Variants in SLC5A8 observed in about 807,000 individuals in gnomAD.
SLC5A8 encodes solute carrier family 5 member 8.
Under a neutral mutation model 71.9 loss-of-function variants are expected in SLC5A8, and 55 were observed. The ratio of observed to expected loss-of-function variants is 0.77; its 90% CI spans 0.62 to 0.96. SLC5A8 has a LOEUF of 0.96. Ranked by LOEUF, SLC5A8 falls within the 40% of genes least tolerant of loss-of-function variation. SLC5A8 has a pLI of 0.00. For synonymous variants in SLC5A8, 307 were observed against 276.1 expected (o/e 1.11, Z -1.11); for missense variants, 701 against 745.3 (o/e 0.94, Z 0.69).
Position 101,193,679 on chromosome 12 carries a change from C to T in SLC5A8, c.638G>A (p.Gly213Glu). The change falls in exon 5 of 15, where the codon GGA (glycine) becomes GAA (glutamate). Residue 213 changes from glycine (G) to glutamate (E), a missense_variant. By Grantham distance (98) the Gly-to-Glu change is moderately conservative. Transcript: ENST00000536262. ...VIIQAVVMQG[G>E]ISTILNDAYD... is the part of the protein sequence containing the mutation. ...GGCATCATTTAAAATAGTGCTGATT[C>T]CACCTTGCATCACCACAGCCTGTAT... is the stretch of plus-strand genomic sequence containing the variant. The T allele has an allele frequency of 6.2e-7, 1 of 1,614,150 alleles. No individual in the cohort carries two copies. The highest frequency in any genetic ancestry group is 8.5e-7 in the Non-Finnish European group (1 of 1,180,010).
At chr12:101,161,100 C>G (rs545027635) in intron 13 of SLC5A8, among the ~76,000 whole-genome samples, 3 of 152,154 alleles carry the variant, frequency 2.0e-5, no homozygotes, top group Non-Finnish European at 4.4e-5. Context: ...GAAAAAAATT[C>G]AGACATCCTC....
intron 10 of SLC5A8, among the ~76,000 whole-genome samples, chr12:101,172,185 G>T (rs1475470835): frequency 6.6e-6 from 1 of 152,004 alleles, no homozygotes; most frequent in African/African-American, 2.4e-5. Flanking sequence ...TCTCTAGGAG[G>T]CACTGGCTGC....
chr12:101,165,999 T>C (rs925466974), intron 12 of SLC5A8, among the ~76,000 whole-genome samples: 1 of 152,184 alleles, frequency 6.6e-6, no homozygotes, highest in Non-Finnish European at 1.5e-5. Context: ...ATGACTGAAA[T>C]CTGTAGCATG....
At chr12:101,204,380 C>A in intron 2 of SLC5A8, 120 bp downstream of exon 2, 1 of 818,736 alleles carries the variant, frequency 1.2e-6, no homozygotes. Context: ...TTTTTTGTTC[C>A]CTCATTTTTT....
intron 3 of SLC5A8, among the ~76,000 whole-genome samples, chr12:101,200,330 T>C (rs1276359173): frequency 3.9e-5 from 6 of 152,088 alleles, no homozygotes; most frequent in South Asian, 2.1e-4. Context: ...ATTAGGCAAC[T>C]ACTAAAACTC....
At chr12:101,209,316 A>C (rs576278541) in intron 1 of SLC5A8, among the ~76,000 whole-genome samples, 182 bp downstream of exon 1, 3 of 152,264 alleles carry the variant, frequency 2.0e-5, no homozygotes, top group African/African-American at 7.2e-5. Context: ...TCTCAGTAGA[A>C]GGGAAAGATG....
intron 13 of SLC5A8, among the ~76,000 whole-genome samples, chr12:101,158,598 C>CTCTCTCTCTCTCTCTA (rs1411795424): frequency 9.4e-5 from 2 of 21,250 alleles, no homozygotes; most frequent in Non-Finnish European, 1.8e-4. Flanking sequence ...CTCTCTCTCT[C>CTCTCTCTCTCTCTCTA]TATATATATA....
chr12:101,160,575 T>C (rs542929345), intron 13 of SLC5A8, among the ~76,000 whole-genome samples: 1 of 152,122 alleles, frequency 6.6e-6, no homozygotes, highest in African/African-American at 2.4e-5. Flanking sequence ...GATGCATACA[T>C]GTGAGGGGAT....
chr12:101,185,657 C>A (rs374380151), intron 7 of SLC5A8, among the ~76,000 whole-genome samples: 1 of 152,150 alleles, frequency 6.6e-6, no homozygotes. Context: ...CGGCTCACTG[C>A]AATCTCCACC....
chr12:101,198,388 C>T (rs1869287783), intron 3 of SLC5A8, among the ~76,000 whole-genome samples: 1 of 151,614 alleles, frequency 6.6e-6, no homozygotes, highest in Non-Finnish European at 1.5e-5. Context: ...CAATAGAATA[C>T]TGGAAAGATA....
chr12:101,178,879 G>C (rs1024250021), intron 10 of SLC5A8, among the ~76,000 whole-genome samples: 1 of 150,742 alleles, frequency 6.6e-6, no homozygotes, highest in Non-Finnish European at 1.5e-5. Context: ...ACAAACTACT[G>C]TGTAAGAAAA....
intron 5 of SLC5A8, among the ~76,000 whole-genome samples, chr12:101,193,239 C>G (rs770150798): frequency 6.6e-6 from 1 of 152,188 alleles, no homozygotes; most frequent in African/African-American, 2.4e-5. Flanking sequence ...TCCCAAAGTG[C>G]TGGGATTACA....
At chr12:101,194,096 G>A (rs921737638) in intron 4 of SLC5A8, among the ~76,000 whole-genome samples, 1 of 152,126 alleles carries the variant, frequency 6.6e-6, no homozygotes, top group African/African-American at 2.4e-5. Context: ...GAGTGGTGTC[G>A]GGAGATTGTT....
intron 3 of SLC5A8, among the ~76,000 whole-genome samples, chr12:101,197,196 A>G (rs1869219009): frequency 2.0e-5 from 3 of 152,234 alleles, no homozygotes; most frequent in African/African-American, 7.2e-5. Flanking sequence ...TCCCTTTCCT[A>G]TACAAACTAT....
Position 101,171,161 on chromosome 12 carries a change from A to T in SLC5A8, c.1234-2979T>A, listed in dbSNP as rs533328086. 2.0e-3 allele frequency among the ~76,000 whole-genome samples: 308 copies of T among 152,228 alleles called. 1 individual carries two copies. In the East Asian group the frequency reaches 0.037, roughly 18 times the overall value. On this transcript the variant is annotated intron_variant, in intron 10 of 14. Transcript: ENST00000536262. ...TACTTGTATTCAATCCAGGTCAGTT[A>T]CCAGGTGTTTTGTTCACAAAGAGAG... is the stretch of plus-strand genomic sequence containing the variant.
rs773231008 is a variant in SLC5A8, at chr12:101,187,385, C to A, written c.963+1G>T. ...CCTGTAAGAAAGACATGGTACTGAA[C>A]CTGGTCTGGTGCAGACACTTTCTTG... On this transcript the variant is annotated splice_donor_variant, in intron 7 of 14. Transcript: ENST00000536262. LOFTEE classifies it high-confidence loss of function. 1 of 1,612,686 alleles carries A rather than the reference C, an allele frequency of 6.2e-7. No individual in the cohort carries two copies. The highest frequency in any genetic ancestry group is 8.5e-7 in the Non-Finnish European group (1 of 1,179,408).
At chr12:101,157,448 C>T in intron 14 of SLC5A8, 47 bp from the exon 15 acceptor site, 3 of 1,533,376 alleles carry the variant, frequency 2.0e-6, no homozygotes, top group East Asian at 4.9e-5. Context: ...AAAAGAAGCT[C>T]TTCATTCATG....
intron 6 of SLC5A8, among the ~76,000 whole-genome samples, chr12:101,189,706 C>T (rs1462325217): frequency 6.6e-6 from 1 of 152,164 alleles, no homozygotes. Flanking sequence ...ATCCAAATCA[C>T]TCCACCTACC....
At chr12:101,180,907 A>T (rs1228614205) in intron 9 of SLC5A8, among the ~76,000 whole-genome samples, 1 of 151,994 alleles carries the variant, frequency 6.6e-6, no homozygotes, top group Non-Finnish European at 1.5e-5. Flanking sequence ...ATTGTGGAAT[A>T]TTTTTTTCTA....
Sources: allele counts gnomAD v4.1 joint callset (sites outside exome capture counted in the v4.1 genomes callset), GRCh38; gene constraint gnomAD v4.1.1; transcripts MANE v1.5; gene names NCBI Gene and HGNC (gene_info 2026-07-23, HGNC 2026-07-21).